Variants in MPPED2 observed in about 807,000 individuals in gnomAD.
The protein encoded by MPPED2 is metallophosphoesterase domain containing 2.
In MPPED2, 5 loss-of-function variants were observed where a neutral mutation model predicts 33.0. The ratio of observed to expected loss-of-function variants is 0.15; its 90% CI spans 0.08 to 0.32. The LOEUF (loss-of-function observed/expected upper bound fraction) is 0.32, where lower values mean the gene tolerates loss of function less well. Among genes scored for constraint, MPPED2 ranks in the 10% least tolerant of loss-of-function variants. The pLI, the probability that MPPED2 is intolerant of heterozygous loss-of-function variation, is 1.00. For missense variants in MPPED2, 275 were observed against 372.1 expected (o/e 0.74, Z 2.15); for synonymous variants, 136 against 141.9 (o/e 0.96, Z 0.29).
chr11:30,504,294 A>G (rs1279491171), intron 3 of MPPED2, among the ~76,000 whole-genome samples: 1 of 152,172 alleles, frequency 6.6e-6, no homozygotes, highest in East Asian at 1.9e-4. Context: ...GGGCTTGAAA[A>G]CTGGCCAAGC....
chr11:30,540,262 A>T (rs1323108047), intron 2 of MPPED2, among the ~76,000 whole-genome samples: 1 of 152,214 alleles, frequency 6.6e-6, no homozygotes. Flanking sequence ...TGCTCCAAAA[A>T]TAGAGTAGCA....
At chr11:30,403,975 A>C (rs1947951506) in intron 6 of MPPED2, among the ~76,000 whole-genome samples, 1 of 152,128 alleles carries the variant, frequency 6.6e-6, no homozygotes. Context: ...TCATGAGGGA[A>C]TCTCATTGCT....
rs1012529874 is a variant in MPPED2, at chr11:30,410,897, C to A, written c.*571G>T. The A allele has an allele frequency of 1.0e-6, 1 of 985,700 alleles. No individual in the cohort carries two copies. Among genetic ancestry groups the A allele is most frequent in the Non-Finnish European group, 1.2e-6 (1 of 829,912 alleles). 61.1% of individuals were successfully genotyped at this position (985,700 alleles called of 1,614,324 possible). A position where few individuals can be genotyped will look rare whatever the true frequency, so the allele number is the denominator to read the frequency against. ...ACTAGTTAAACCATCCTTTAAATGA[C>A]AGCCATTTTCTTCTCAATGCAGCTT... On this transcript the variant is annotated 3_prime_UTR_variant, in exon 7 of 7. Coordinates refer to ENST00000358117, the MANE Select transcript of MPPED2 (RefSeq NM_001584.3).
At chr11:30,486,030 A>G (rs886885300) in intron 4 of MPPED2, among the ~76,000 whole-genome samples, 2 of 152,182 alleles carry the variant, frequency 1.3e-5, no homozygotes, top group African/African-American at 4.8e-5. Flanking sequence ...GCAAAAGAGG[A>G]GCACCCAGTG....
At chr11:30,419,252 A>G (rs1463746362) in intron 4 of MPPED2, among the ~76,000 whole-genome samples, 1 of 152,182 alleles carries the variant, frequency 6.6e-6, no homozygotes, top group Admixed American at 6.5e-5. Flanking sequence ...AAACTGAGGC[A>G]CAGAGAGGTT....
intron 3 of MPPED2, among the ~76,000 whole-genome samples, chr11:30,498,359 C>T (rs1215200765): frequency 6.6e-6 from 1 of 152,026 alleles, no homozygotes; most frequent in African/African-American, 2.4e-5. Context: ...TCAAGACAGG[C>T]AGATCACCTG....
chr11:30,419,883 G>A (rs1948536719), intron 4 of MPPED2, among the ~76,000 whole-genome samples: 1 of 152,154 alleles, frequency 6.6e-6, no homozygotes, highest in South Asian at 2.1e-4. Flanking sequence ...TGTTGAACAT[G>A]TGCATCCAGC....
At chr11:30,549,251 T>A (rs1473570493) in intron 2 of MPPED2, among the ~76,000 whole-genome samples, 1 of 152,228 alleles carries the variant, frequency 6.6e-6, no homozygotes, top group Non-Finnish European at 1.5e-5. Context: ...TGGTTATATG[T>A]CATTTCTACA....
At chr11:30,452,399 C>G (rs986347029) in intron 4 of MPPED2, among the ~76,000 whole-genome samples, 1 of 152,256 alleles carries the variant, frequency 6.6e-6, no homozygotes, top group Non-Finnish European at 1.5e-5. Flanking sequence ...CCCATACCTT[C>G]TCCATTCCCA....
chr11:30,385,859 C>G (rs527285303), exon 7 of MPPED2: 11 of 152,292 alleles, frequency 7.2e-5, no homozygotes, highest in African/African-American at 2.4e-4. Context: ...TGTCACCCTC[C>G]TTAATGTCAC....
chr11:30,400,751 T>C (rs985658837), intron 6 of MPPED2, among the ~76,000 whole-genome samples: 1 of 148,668 alleles, frequency 6.7e-6, no homozygotes, highest in African/African-American at 2.5e-5. Context: ...TTCCAATACA[T>C]ATCATCAAAC....
chr11:30,430,118 A>T (rs1949012706), intron 4 of MPPED2, among the ~76,000 whole-genome samples: 1 of 152,220 alleles, frequency 6.6e-6, no homozygotes, highest in Non-Finnish European at 1.5e-5. Flanking sequence ...CAAGGGAATG[A>T]GCCAGATACT....
chr11:30,564,497 A>C (rs920785109), intron 2 of MPPED2, among the ~76,000 whole-genome samples: 8 of 152,176 alleles, frequency 5.3e-5, no homozygotes, highest in African/African-American at 1.9e-4. Flanking sequence ...GAGAACACAG[A>C]GAGGTCACAT....
rs578025140 is a variant in MPPED2 at position 30,479,053 on chromosome 11, G to T, written c.536+16243C>A. Among the ~76,000 whole-genome samples, 4 of 152,208 alleles carry T rather than the reference G, an allele frequency of 2.6e-5. No individual in the cohort carries two copies. The South Asian group carries it at 8.3e-4, about 32-fold the overall frequency. On this transcript the variant is annotated intron_variant, in intron 4 of 6. Transcript: ENST00000358117. The stretch of plus-strand genomic sequence containing the variant: ...AAAGCTTATCCACATGTCAAGGGCC[G>T]TGGGACATTTTCCCAGAGGGCCTGG...
chr11:30,531,908 G>T (rs574105265), intron 3 of MPPED2, among the ~76,000 whole-genome samples: 1 of 152,202 alleles, frequency 6.6e-6, no homozygotes, highest in Non-Finnish European at 1.5e-5. Flanking sequence ...TTTTACCCAG[G>T]ATGTAGTTCC....
At chr11:30,511,958 G>A (rs1422443089) in intron 3 of MPPED2, among the ~76,000 whole-genome samples, 1 of 152,106 alleles carries the variant, frequency 6.6e-6, no homozygotes, top group Non-Finnish European at 1.5e-5. Flanking sequence ...TATTGTCTGG[G>A]TGTGGTTTGG....
rs187520671 is a variant in MPPED2, at chr11:30,429,971, T to A, written c.537-12338A>T. 1.3e-3 allele frequency among the ~76,000 whole-genome samples: 198 copies of A among 152,292 alleles called. 1 individual carries two copies. The highest frequency in any genetic ancestry group is 4.3e-3 in the African/African-American group (178 of 41,572). ...CCACGTTGTGTTATGGGTATGTCTA[T>A]CTTCTCCCAGTGGGTTGCAAACCAT... On this transcript the variant is annotated intron_variant, in intron 4 of 6. Transcript: ENST00000358117.
chr11:30,471,636 T>A (rs964371159), intron 4 of MPPED2, among the ~76,000 whole-genome samples: 1 of 152,222 alleles, frequency 6.6e-6, no homozygotes, highest in Non-Finnish European at 1.5e-5. Context: ...TCTACTTCTC[T>A]CTCTCTTTTA....
chr11:30,435,457 C>T (rs1305212708), intron 4 of MPPED2, among the ~76,000 whole-genome samples: 6 of 152,306 alleles, frequency 3.9e-5, no homozygotes, highest in Admixed American at 1.3e-4. Flanking sequence ...CAGTGACACT[C>T]GATCACAGTG....
Sources: allele counts gnomAD v4.1 joint callset (sites outside exome capture counted in the v4.1 genomes callset), GRCh38; gene constraint gnomAD v4.1.1; transcripts MANE v1.5; gene names NCBI Gene and HGNC (gene_info 2026-07-23, HGNC 2026-07-21).